TOX: variants seen among roughly 807,000 people sequenced by gnomAD.
TOX encodes thymocyte selection associated high mobility group box.
In TOX, 11 loss-of-function variants were observed where a neutral mutation model predicts 53.7. The ratio of observed to expected loss-of-function variants is 0.20; its 90% confidence interval spans 0.13 to 0.34. The LOEUF (loss-of-function observed/expected upper bound fraction) is 0.34. Among genes scored for constraint, TOX ranks in the 10% least tolerant of loss-of-function variants. The pLI, the probability that TOX is intolerant of heterozygous loss-of-function variation, is 1.00. For missense variants in TOX, 570 were observed against 664.6 expected, an observed-to-expected ratio of 0.86 and a Z score of 1.56; for synonymous variants, 225 against 245.3, an observed-to-expected ratio of 0.92 and a Z score of 0.77.
At chr8:58,830,367 G>A (rs756798645) in intron 5 of TOX, among the ~76,000 whole-genome samples, 9 of 152,058 alleles carry the variant, frequency 5.9e-5, no homozygotes, top group Non-Finnish European at 7.4e-5. Flanking sequence ...TAAAACATAC[G>A]TAGATAGTCA....
intron 3 of TOX, among the ~76,000 whole-genome samples, chr8:58,926,365 C>A (rs1009441200): frequency 6.6e-6 from 1 of 152,144 alleles, no homozygotes; most frequent in Non-Finnish European, 1.5e-5. Flanking sequence ...GTATGCTGCT[C>A]CCTTGGGACT....
intron 4 of TOX, among the ~76,000 whole-genome samples, chr8:58,843,810 C>T (rs1810681411): frequency 6.6e-6 from 1 of 152,100 alleles, no homozygotes; most frequent in South Asian, 2.1e-4. Context: ...ATTTGTAAGG[C>T]CTACTTTTGG....
chr8:58,962,002 C>T (rs1812807898), intron 1 of TOX, among the ~76,000 whole-genome samples: 1 of 152,220 alleles, frequency 6.6e-6, no homozygotes, highest in African/African-American at 2.4e-5. Context: ...TGGACAGTTT[C>T]TCTGACTGTA....
In TOX at chr8:58,980,265, C is replaced by T. The variant is rs556936732; in HGVS notation, c.103-20257G>A. 7.2e-5 allele frequency among the ~76,000 whole-genome samples: 11 copies of T among 152,224 alleles called. No homozygotes were observed. The South Asian group carries it at 2.1e-3, about 29-fold the overall frequency. ...ATAGAGGGAGAGCCCATCTTCTCTCCCCTCTCCCACTGTATGGACTGTTCT... is the reference window on the plus strand; with the variant it reads ...ATAGAGGGAGAGCCCATCTTCTCTCTCCTCTCCCACTGTATGGACTGTTCT... On this transcript the variant is annotated intron_variant, in intron 1 of 8. Coordinates refer to ENST00000361421, the MANE Select transcript of TOX (RefSeq NM_014729.3).
At chr8:58,931,990 A>G (rs1273581586) in intron 3 of TOX, among the ~76,000 whole-genome samples, 1 of 152,214 alleles carries the variant, frequency 6.6e-6, no homozygotes, top group Non-Finnish European at 1.5e-5. Flanking sequence ...TAGCAATAAA[A>G]GCCCCAAATC....
intron 3 of TOX, among the ~76,000 whole-genome samples, chr8:58,856,213 A>G (rs1327235522): frequency 6.6e-6 from 1 of 152,210 alleles, no homozygotes; most frequent in East Asian, 1.9e-4. Flanking sequence ...CTTATCTATA[A>G]GGCTCCAAGA....
intron 6 of TOX, among the ~76,000 whole-genome samples, chr8:58,825,100 A>T (rs1176457533): frequency 6.6e-6 from 1 of 152,224 alleles, no homozygotes; most frequent in Non-Finnish European, 1.5e-5. Context: ...TATATATGTG[A>T]TTACATCTTA....
At chr8:59,041,567 C>T (rs1585981830) in intron 1 of TOX, among the ~76,000 whole-genome samples, 2 of 152,322 alleles carry the variant, frequency 1.3e-5, no homozygotes, top group East Asian at 3.9e-4. Flanking sequence ...GAGGCTAGCA[C>T]CAGCCAACCT....
At chr8:58,972,153 CAT>C (rs1585933578) in intron 1 of TOX, among the ~76,000 whole-genome samples, 1 of 152,120 alleles carries the variant, frequency 6.6e-6, no homozygotes, top group Non-Finnish European at 1.5e-5. Context: ...TGTAAGCATA[CAT>C]AGACGTGCAT....
chr8:58,884,660 T>C (rs1199198584), intron 3 of TOX, among the ~76,000 whole-genome samples: 3 of 152,152 alleles, frequency 2.0e-5, no homozygotes, highest in Non-Finnish European at 4.4e-5. Flanking sequence ...GTCTCTTGCT[T>C]AAAATCCAAG....
At chr8:59,101,328 G>T (rs957299751) in intron 1 of TOX, among the ~76,000 whole-genome samples, 1 of 151,828 alleles carries the variant, frequency 6.6e-6, no homozygotes, top group African/African-American at 2.4e-5. Context: ...ATAACCATTC[G>T]GAAAATATTT....
At chr8:59,002,620 AAC>A (rs886243979) in intron 1 of TOX, among the ~76,000 whole-genome samples, 1 of 151,906 alleles carries the variant, frequency 6.6e-6, no homozygotes, top group Non-Finnish European at 1.5e-5. Flanking sequence ...AAAAAAAACA[AAC>A]AAAAAAAATC....
chr8:58,857,449 T>C (rs1810934450), intron 3 of TOX, among the ~76,000 whole-genome samples: 2 of 152,214 alleles, frequency 1.3e-5, no homozygotes, highest in Non-Finnish European at 2.9e-5. Flanking sequence ...CAGATCTGTT[T>C]CCTAAAAATT....
intron 3 of TOX, among the ~76,000 whole-genome samples, chr8:58,931,229 G>A (rs1261941482): frequency 6.6e-6 from 1 of 151,974 alleles, no homozygotes; most frequent in Non-Finnish European, 1.5e-5. Context: ...CATCCACGTA[G>A]AGGCAGAGAA....
At chr8:59,096,779 T>A (rs2129424142) in intron 1 of TOX, among the ~76,000 whole-genome samples, 1 of 152,216 alleles carries the variant, frequency 6.6e-6, no homozygotes, top group African/African-American at 2.4e-5. Context: ...AACCAGGTGA[T>A]GAGTGTTGCT....
intron 1 of TOX, among the ~76,000 whole-genome samples, chr8:59,043,951 C>T (rs759208658): frequency 3.3e-5 from 5 of 152,142 alleles, no homozygotes; most frequent in African/African-American, 7.2e-5. Flanking sequence ...GCACTGAACC[C>T]CAAGAGGTCC....
At chr8:58,985,646 G>C (rs1813314718) in intron 1 of TOX, among the ~76,000 whole-genome samples, 1 of 152,148 alleles carries the variant, frequency 6.6e-6, no homozygotes, top group African/African-American at 2.4e-5. Context: ...TTTATGTTAT[G>C]TGTATTTTGC....
intron 3 of TOX, among the ~76,000 whole-genome samples, chr8:58,868,214 G>T (rs1811135273): frequency 6.6e-6 from 1 of 152,122 alleles, no homozygotes. Context: ...CACCATGATT[G>T]TGAGGCCTCC....
At chr8:58,981,151 C>A (rs985623158) in intron 1 of TOX, among the ~76,000 whole-genome samples, 5 of 152,194 alleles carry the variant, frequency 3.3e-5, no homozygotes, top group African/African-American at 1.2e-4. Flanking sequence ...CTAGTTACCA[C>A]ATAGAACTGA....
Sources: gnomAD v4.1 joint callset for allele counts (sites outside exome capture counted in the v4.1 genomes callset) on GRCh38, gnomAD v4.1.1 for gene constraint, MANE v1.5 for transcripts, NCBI Gene and HGNC (gene_info 2026-07-23, HGNC 2026-07-21) for gene names.